TTLL3: variants seen among roughly 807,000 people sequenced by gnomAD.
The protein encoded by TTLL3 is tubulin tyrosine ligase like 3.
Under a neutral mutation model 75.2 loss-of-function variants are expected in TTLL3, and 63 were observed. The ratio of observed to expected loss-of-function variants is 0.84; its 90% CI spans 0.68 to 1.03. The LOEUF (loss-of-function observed/expected upper bound fraction) is 1.03. TTLL3 is among the 50% of genes least tolerant of loss of function. The pLI is 0.00. For missense variants in TTLL3, 997 were observed against 1,069.9 expected (o/e 0.93, Z 0.95); for synonymous variants, 393 against 418.5 (o/e 0.94, Z 0.74).
At position 9,810,607 on chromosome 3, in the gene TTLL3, G is replaced by T. The variant is rs1034456929; in HGVS notation, c.-41-14G>T. ...CCTCAGTGTACCCCGCCCCTATTCC[G>T]CATCTTTCTGCAGGTTTCCCGGTCC... On this transcript the variant is annotated splice_polypyrimidine_tract_variant and intron_variant, in intron 1 of 13. Coordinates refer to ENST00000685419, the MANE Select transcript of TTLL3 (RefSeq NM_001387446.1). The surrounding 1 kb of genome is among the most constrained non-coding windows in gnomAD (Gnocchi z 4.4). The T allele has an allele frequency of 7.7e-6, 12 of 1,555,632 alleles. No homozygotes were observed. Among genetic ancestry groups the T allele is most frequent in the South Asian group, 1.2e-5 (1 of 84,258 alleles).
intron 12 of TTLL3, chr3:9,834,226 G>T: frequency 5.5e-6 from 2 of 365,090 alleles, no homozygotes; most frequent in South Asian, 4.1e-5. Context: ...AAGATGCCAG[G>T]ACTTAAGCCC....
At chr3:9,831,022 C>T (rs1430424526) in intron 11 of TTLL3, among the ~76,000 whole-genome samples, 7 of 152,066 alleles carry the variant, frequency 4.6e-5, no homozygotes, top group Non-Finnish European at 1.0e-4. Flanking sequence ...AGGATGGTCT[C>T]GATCTCCTGA....
chr3:9,825,631 G>A, intron 8 of TTLL3, 169 bp from the exon 9 acceptor site: 1 of 1,223,082 alleles, frequency 8.2e-7, no homozygotes, highest in Non-Finnish European at 1.2e-6. Context: ...TTCCGGGGTG[G>A]CTTGAAGGTG....
chr3:9,813,463 C>G, intron 4 of TTLL3, 118 bp downstream of exon 4: 1 of 1,210,484 alleles, frequency 8.3e-7, no homozygotes, highest in South Asian at 1.4e-5. Context: ...GTTTCCCTAT[C>G]TGTAGTAAAA....
At position 9,835,641 on chromosome 3, in the gene TTLL3, G is replaced by A. The variant is rs1330589973; in HGVS notation, c.*152G>A. 1 of 762,482 alleles carries A rather than the reference G, an allele frequency of 1.3e-6. No homozygotes were observed. Among genetic ancestry groups the A allele is most frequent in the Non-Finnish European group, 2.0e-6 (1 of 490,828 alleles). The allele number at this position is 762,482 out of a possible 1,614,324, so 47.2% of individuals were successfully genotyped here. A position where few individuals can be genotyped will look rare whatever the true frequency, so the allele number is the denominator to read the frequency against. Reference sequence around the variant, plus strand: ...ACAGATGAAGAAACTGAGTCTGAAAGAGGAGGCATGGCTTACCCAAGATCA... The same window carrying A: ...ACAGATGAAGAAACTGAGTCTGAAAAAGGAGGCATGGCTTACCCAAGATCA... On this transcript the variant is annotated 3_prime_UTR_variant, in exon 14 of 14. Coordinates refer to ENST00000685419, the MANE Select transcript of TTLL3 (RefSeq NM_001387446.1).
intron 8 of TTLL3, 39 bp from the exon 9 acceptor site, chr3:9,825,761 C>T (rs2080979092): frequency 6.2e-7 from 1 of 1,614,088 alleles, no homozygotes; most frequent in Admixed American, 1.7e-5. Context: ...CTGCATGTCC[C>T]AGGTCCAGCC....
intron 13 of TTLL3, 44 bp downstream of exon 13, chr3:9,834,951 C>G (rs770343837): frequency 1.2e-6 from 2 of 1,613,988 alleles, no homozygotes; most frequent in Admixed American, 3.3e-5. Flanking sequence ...CAGTGCTGAG[C>G]ACGGGGTCAG....
intron 11 of TTLL3, 140 bp downstream of exon 11, chr3:9,829,535 T>G: frequency 9.2e-7 from 1 of 1,087,940 alleles, no homozygotes; most frequent in East Asian, 2.7e-5. Context: ...GTGACCTCAC[T>G]TCCTTGAGCC....
rs199629064 is a variant in TTLL3 at position 9,813,265 on chromosome 3, G to T, written c.235G>T (p.Glu79Ter). The T allele has an allele frequency of 3.4e-4, 549 of 1,614,118 alleles. No homozygotes were observed. The highest frequency in any genetic ancestry group is 4.4e-4 in the Non-Finnish European group (525 of 1,180,044). ...ATCCACAGAGGATGAAGATGAGGAC[G>T]AGGAGTTCCAGCCATCACAGCTGTT... Reference protein sequence around the residue: ...TTEDEDEDEDEEFQPSQLFDF... With the variant: ...TTEDEDEDED The change falls in exon 4 of 14, where the codon GAG becomes TAG. Residue 79 changes from glutamate to a stop codon, truncating the protein, a stop_gained. Transcript: ENST00000685419. LOFTEE classifies it high-confidence loss of function.
At chr3:9,824,743 T>C (rs1474554885) in intron 8 of TTLL3, among the ~76,000 whole-genome samples, 273 of 139,518 alleles carry the variant, frequency 2.0e-3, no homozygotes, top group African/African-American at 5.7e-3. Flanking sequence ...TTTTCTTTTT[T>C]TTTTTTTTTT....
chr3:9,833,408 A>T (rs774232038), intron 12 of TTLL3, 163 bp downstream of exon 12: 23 of 1,156,294 alleles, frequency 2.0e-5, no homozygotes, highest in African/African-American at 3.1e-5. Context: ...GTCTGCCCCA[A>T]TCTCTGGGAG....
At position 9,810,624 on chromosome 3, in the gene TTLL3, T is replaced by C; in HGVS notation, c.-38T>C. On this transcript the variant is annotated 5_prime_UTR_variant, in exon 2 of 14. Coordinates refer to ENST00000685419, the MANE Select transcript of TTLL3 (RefSeq NM_001387446.1). The surrounding 1 kb of genome is among the most constrained non-coding windows in gnomAD (Gnocchi z 4.4). Reference sequence around the variant, plus strand: ...CCTATTCCGCATCTTTCTGCAGGTTTCCCGGTCCTCTGGCGAGGATCCTCC... The same window carrying C: ...CCTATTCCGCATCTTTCTGCAGGTTCCCCGGTCCTCTGGCGAGGATCCTCC... 2 of 1,564,630 alleles carry C rather than the reference T, an allele frequency of 1.3e-6. No individual in the cohort carries two copies. The highest frequency in any genetic ancestry group is 8.7e-7 in the Non-Finnish European group (1 of 1,153,806).
At chr3:9,811,938 A>G (rs772498449) in intron 2 of TTLL3, among the ~76,000 whole-genome samples, 12 of 152,210 alleles carry the variant, frequency 7.9e-5, no homozygotes, top group African/African-American at 2.9e-4. Context: ...CCCATTAAGT[A>G]TGCAGTTTCT....
intron 6 of TTLL3, 191 bp from the exon 7 acceptor site, chr3:9,818,631 G>A (rs2125708971): frequency 7.1e-7 from 1 of 1,414,346 alleles, no homozygotes; most frequent in Non-Finnish European, 9.2e-7. Flanking sequence ...GCCTCCCAAA[G>A]TGCTGGGATT....
intron 6 of TTLL3, 168 bp from the exon 7 acceptor site, chr3:9,818,654 C>G: frequency 6.8e-7 from 1 of 1,467,886 alleles, no homozygotes; most frequent in Non-Finnish European, 9.0e-7. Flanking sequence ...AGGCGTCAGC[C>G]ACCGTGACCA....
Position 9,835,178 on chromosome 3 carries a change from C to T in TTLL3, c.2137C>T (p.Pro713Ser). The T allele has an allele frequency of 1.9e-6, 3 of 1,614,228 alleles. No homozygotes were observed. Among genetic ancestry groups the T allele is most frequent in the Non-Finnish European group, 2.5e-6 (3 of 1,180,046 alleles). The change falls in exon 14 of 14, where the codon CCT becomes TCT. Residue 713 changes from proline to serine, a missense_variant. Transcript: ENST00000685419. The stretch of plus-strand genomic sequence containing the variant: ...TTTGAAGTCGGAACAATTCCTAGCA[C>T]CTGTCGGAAGGTCAAGGCCAAAGGC... The part of the protein sequence containing the change: ...CPLKSEQFLA[P>S]VGRSRPKANS...
rs755980154 is a variant in TTLL3, at chr3:9,829,244, T to C, written c.1532T>C (p.Ile511Thr). 6.2e-7 allele frequency: 1 copy of C among 1,614,194 alleles called. No individual in the cohort carries two copies. Among genetic ancestry groups the C allele is most frequent in the Non-Finnish European group, 8.5e-7 (1 of 1,180,018 alleles). Residue 511 changes from isoleucine to threonine, a missense_variant, in exon 11 of 14, where the codon ATT becomes ACT. By Grantham distance (89) the Ile-to-Thr change is moderately conservative. Transcript: ENST00000685419. ...GGGGAGGACTTCCAGCCCTGGCTGA[T>C]TGAGATCAACGCCAGCCCCACGATG... Reference protein sequence around the residue: ...VFGEDFQPWLIEINASPTMAP... With the variant: ...VFGEDFQPWLTEINASPTMAP...
chr3:9,833,049 C>T (rs577474531), intron 11 of TTLL3, 55 bp from the exon 12 acceptor site: 50 of 1,599,606 alleles, frequency 3.1e-5, no homozygotes, highest in Non-Finnish European at 4.2e-5. Context: ...CCCGCTGGGC[C>T]AAGGATTCCA....
chr3:9,819,624 T>A lies in TTLL3; in HGVS notation c.658+704T>A, dbSNP rs2080227754. The stretch of plus-strand genomic sequence containing the variant: ...GGACACAGAGGAACCCTCACTATCA[T>A]GCATGCCAACCCAACCACTGCCTGC... On this transcript the variant is annotated intron_variant, in intron 7 of 13. Coordinates refer to ENST00000685419, the MANE Select transcript of TTLL3 (RefSeq NM_001387446.1). The A allele has an allele frequency of 4.1e-6, 4 of 985,554 alleles. No homozygotes were observed. The South Asian group carries it at 1.4e-4, about 35-fold the overall frequency. 61.1% of individuals were successfully genotyped at this position (985,554 alleles called of 1,614,324 possible). A position where few individuals can be genotyped will look rare whatever the true frequency, so the allele number is the denominator to read the frequency against.
Sources: gnomAD v4.1 joint callset for allele counts (sites outside exome capture counted in the v4.1 genomes callset) on GRCh38, gnomAD v4.1.1 for gene constraint, Gnocchi (gnomAD v3.1) non-coding constraint, MANE v1.5 for transcripts, NCBI Gene and HGNC (gene_info 2026-07-23, HGNC 2026-07-21) for gene names.